Variants in IGFBPL1 observed in about 807,000 individuals in gnomAD.
IGFBPL1 encodes insulin-like growth factor-binding protein-like 1.
Under a neutral mutation model 23.9 loss-of-function variants are expected in IGFBPL1, and 20 were observed. That is an observed-to-expected ratio of 0.84 (90% CI 0.59 to 1.22). IGFBPL1 has a LOEUF of 1.22. IGFBPL1 is among the 50% of genes most tolerant of loss of function. The pLI, the probability that IGFBPL1 is intolerant of heterozygous loss-of-function variation, is 0.00. For synonymous variants in IGFBPL1, 184 were observed against 171.8 expected (o/e 1.07, Z -0.56); for missense variants, 436 against 379.3 (o/e 1.15, Z -1.24).
chr9:38,420,659 C>T (rs957320668), intron 1 of IGFBPL1, among the ~76,000 whole-genome samples: 5 of 152,114 alleles, frequency 3.3e-5, no homozygotes, highest in Non-Finnish European at 7.4e-5. Flanking sequence ...AGTGAAACCC[C>T]GTCTCTACTA....
chr9:38,415,777 T>C (rs1821592360), intron 1 of IGFBPL1, among the ~76,000 whole-genome samples: 1 of 152,192 alleles, frequency 6.6e-6, no homozygotes, highest in South Asian at 2.1e-4. Flanking sequence ...CTCCCACCTG[T>C]TGATCCTGGG....
chr9:38,414,226 C>G (rs748744831), intron 1 of IGFBPL1, 23 bp from the exon 2 acceptor site: 1 of 1,479,642 alleles, frequency 6.8e-7, no homozygotes, highest in Non-Finnish European at 9.3e-7. Context: ...GACAAGGAGA[C>G]GCAGCCTTTA....
rs998418536 is a variant in IGFBPL1, at chr9:38,407,982, G to A, written c.*1245C>T. On this transcript the variant is annotated 3_prime_UTR_variant, in exon 5 of 5. Transcript: ENST00000377694. The stretch of plus-strand genomic sequence containing the variant: ...AAAAAAAAGAGAGCCTTACTCTTGG[G>A]TGAGGTCAAAATGTTTGTAGGTAAA... 5.3e-5 allele frequency among the ~76,000 whole-genome samples: 8 copies of A among 151,910 alleles called. No homozygotes were observed. The highest frequency in any genetic ancestry group is 1.0e-4 in the Non-Finnish European group (7 of 67,994).
chr9:38,414,094 C>G lies in IGFBPL1; in HGVS notation c.570G>C (p.Lys190Asn). ...AVPTPVITWR[K>N]VTKSPEGTQA... ...TGCATGAGTTCTTGGACAGAAATAC[C>G]TTTCTCCACGTGATGACTGGGGTAG... Residue 190 changes from lysine (K) to asparagine (N), a missense_variant and splice_region_variant, in exon 2 of 5, where the codon AAG (lysine) becomes AAC (asparagine). Lys to Asn is a moderately conservative substitution (Grantham distance 94, BLOSUM62 0). Coordinates refer to ENST00000377694, the MANE Select transcript of IGFBPL1 (RefSeq NM_001007563.3). The G allele has an allele frequency of 6.4e-7, 1 of 1,564,670 alleles. No individual in the cohort carries two copies. Among genetic ancestry groups the G allele is most frequent in the Non-Finnish European group, 8.8e-7 (1 of 1,139,168 alleles).
At chr9:38,416,313 C>G (rs1249452837) in intron 1 of IGFBPL1, among the ~76,000 whole-genome samples, 1 of 152,200 alleles carries the variant, frequency 6.6e-6, no homozygotes, top group African/African-American at 2.4e-5. Flanking sequence ...ACCAATAAAT[C>G]ACAATTCATC....
At position 38,424,137 on chromosome 9, in the gene IGFBPL1, A is replaced by G; in HGVS notation, c.288T>C (p.Ala96=). 3.2e-6 allele frequency: 4 copies of G among 1,246,276 alleles called. No homozygotes were observed. The highest frequency in any genetic ancestry group is 3.0e-6 in the Non-Finnish European group (3 of 995,550). 77.2% of individuals were successfully genotyped at this position (1,246,276 alleles called of 1,614,324 possible). ...GPGLVCASQA[A]GAAPEGTGLC... ...GCCCGGTGCCCTCGGGCGCTGCCCCAGCGGCCTGGCTCGCGCATACCAGGC... is the reference window on the plus strand; with the variant it reads ...GCCCGGTGCCCTCGGGCGCTGCCCCGGCGGCCTGGCTCGCGCATACCAGGC... The change falls in exon 1 of 5, where the codon GCT becomes GCC. Residue 96 remains alanine (A), a synonymous_variant. Coordinates refer to ENST00000377694, the MANE Select transcript of IGFBPL1 (RefSeq NM_001007563.3).
At chr9:38,417,132 T>C (rs1040516654) in intron 1 of IGFBPL1, among the ~76,000 whole-genome samples, 5 of 152,198 alleles carry the variant, frequency 3.3e-5, no homozygotes, top group African/African-American at 1.2e-4. Context: ...CTCCTCTGCC[T>C]ACAGGTATTA....
chr9:38,416,543 C>T (rs1315290026), intron 1 of IGFBPL1, among the ~76,000 whole-genome samples: 1 of 152,130 alleles, frequency 6.6e-6, no homozygotes, highest in Non-Finnish European at 1.5e-5. Context: ...ACAATTCGTT[C>T]CTTCTGGTGT....
intron 1 of IGFBPL1, among the ~76,000 whole-genome samples, chr9:38,414,420 C>CT (rs1821564134): frequency 6.6e-6 from 1 of 152,202 alleles, no homozygotes; most frequent in Admixed American, 6.5e-5. Flanking sequence ...AATGGGAAAG[C>CT]AGGGGTCCAG....
chr9:38,421,087 G>A (rs555329350), intron 1 of IGFBPL1, among the ~76,000 whole-genome samples: 2 of 152,050 alleles, frequency 1.3e-5, no homozygotes, highest in African/African-American at 2.4e-5. Flanking sequence ...GAGGCCAGGA[G>A]TTCAAGAACA....
intron 1 of IGFBPL1, among the ~76,000 whole-genome samples, chr9:38,421,591 G>T (rs972447599): frequency 3.9e-5 from 6 of 152,078 alleles, no homozygotes; most frequent in African/African-American, 1.4e-4. Flanking sequence ...ATTTTATCAT[G>T]AATATTGAAG....
chr9:38,418,397 A>G (rs1191023753), intron 1 of IGFBPL1, among the ~76,000 whole-genome samples: 1 of 152,122 alleles, frequency 6.6e-6, no homozygotes, highest in Non-Finnish European at 1.5e-5. Flanking sequence ...CAATTGCAAG[A>G]CCCCTTACAA....
chr9:38,422,955 G>T (rs1205403265), intron 1 of IGFBPL1, among the ~76,000 whole-genome samples: 1 of 152,056 alleles, frequency 6.6e-6, no homozygotes, highest in Non-Finnish European at 1.5e-5. Context: ...TGGTCTCTGG[G>T]CTCAGGCCAG....
At chr9:38,414,297 T>G in intron 1 of IGFBPL1, 94 bp from the exon 2 acceptor site, 4 of 688,208 alleles carry the variant, frequency 5.8e-6, no homozygotes, top group Middle Eastern at 2.6e-4. Flanking sequence ...CCCGCTGTGA[T>G]GTCCTGACAT....
intron 3 of IGFBPL1, among the ~76,000 whole-genome samples, chr9:38,412,412 C>T (rs1821526111): frequency 6.6e-6 from 1 of 152,168 alleles, no homozygotes; most frequent in Admixed American, 6.5e-5. Context: ...ACAGTGACGA[C>T]CCAACATGGA....
chr9:38,424,364 GC>G lies in IGFBPL1; in HGVS notation c.60del (p.Pro21ArgfsTer158). ...CGGATCCCAAGGCTCGGGGACAGCG[GC>G]GGCAGCAGCGGCAGCAGCAGCAGAA... is the stretch of plus-strand genomic sequence containing the variant. ...LLLLLLLPLL[P>X]PLSPSLGIRD... On this transcript the variant is annotated frameshift_variant, in exon 1 of 5. Coordinates refer to ENST00000377694, the MANE Select transcript of IGFBPL1 (RefSeq NM_001007563.3). LOFTEE classifies it high-confidence loss of function. The G allele has an allele frequency of 1.5e-6, 1 of 682,700 alleles. No individual in the cohort carries two copies. Among genetic ancestry groups the G allele is most frequent in the Non-Finnish European group, 2.4e-6 (1 of 410,302 alleles). 42.3% of individuals were successfully genotyped at this position (682,700 alleles called of 1,614,324 possible).
chr9:38,413,193 T>C (rs1176515555), intron 3 of IGFBPL1, 44 bp downstream of exon 3: 1 of 1,236,828 alleles, frequency 8.1e-7, no homozygotes, highest in Non-Finnish European at 1.2e-6. Flanking sequence ...AAAGGATGGT[T>C]TATAATGGTC....
At chr9:38,414,031 T>TCACACACA (rs1491232049) in intron 2 of IGFBPL1, 63 bp downstream of exon 2, 40 of 762,454 alleles carry the variant, frequency 5.2e-5, no homozygotes, top group African/African-American at 2.4e-4. Context: ...TCTCCCTCTT[T>TCACACACA]CTCACACACA....
Position 38,411,517 on chromosome 9 carries a change from C to A in IGFBPL1, c.720G>T (p.Val240=), listed in dbSNP as rs200114995. 6.2e-7 allele frequency: 1 copy of A among 1,614,102 alleles called. No individual in the cohort carries two copies. The highest frequency in any genetic ancestry group is 8.5e-7 in the Non-Finnish European group (1 of 1,179,936). ...CCATGTTGGCTGCATGGCACTGGTACACACCCTCATCCTCCTTTCGCAGGG... is the reference window on the plus strand; with the variant it reads ...CCATGTTGGCTGCATGGCACTGGTAAACACCCTCATCCTCCTTTCGCAGGG... ...INPLRKEDEG[V]YQCHAANMVG... Residue 240 remains valine (V), a synonymous_variant, in exon 4 of 5, where the codon GTG becomes GTT. Transcript: ENST00000377694.
Sources: allele counts gnomAD v4.1 joint callset (sites outside exome capture counted in the v4.1 genomes callset), GRCh38; gene constraint gnomAD v4.1.1; transcripts MANE v1.5; gene names NCBI Gene and HGNC (gene_info 2026-07-23, HGNC 2026-07-21).